DMD: variants seen among roughly 807,000 people sequenced by gnomAD.
DMD encodes the protein dystrophin.
A neutral mutation model predicts 330.1 loss-of-function variants in DMD; 63 were observed. The observed-to-expected ratio is 0.19, with a 90% CI of 0.16 to 0.24. The LOEUF is 0.24. DMD is among the 10% of genes least tolerant of loss of function. DMD has a pLI of 1.00. For missense variants in DMD, 3,344 were observed against 2,684.1 expected (o/e 1.25, Z -5.43); for synonymous variants, 1,223 against 959.8 (o/e 1.27, Z -5.07).
chrX:33,079,321 A>G (rs2094891759), intron 1 of DMD, among the ~76,000 whole-genome samples: 1 of 111,682 alleles, frequency 9.0e-6, no homozygotes, highest in Non-Finnish European at 1.9e-5. Flanking sequence ...CTATAAAACC[A>G]TCTTTTAAGA....
chrX:32,114,740 T>C (rs891125303), intron 44 of DMD, among the ~76,000 whole-genome samples: 5 of 112,399 alleles, frequency 4.4e-5, no homozygotes, highest in African/African-American at 1.6e-4. Context: ...CTGTTCTACC[T>C]GACTAAACCC....
At chrX:32,626,120 AT>A in intron 11 of DMD, among the ~76,000 whole-genome samples, 1 of 112,451 alleles carries the variant, frequency 8.9e-6, no homozygotes, top group Non-Finnish European at 1.9e-5. Context: ...AATGCACGCC[AT>A]TTAGAAACTA....
chrX:33,143,203 A>G (rs1430769716), intron 1 of DMD, among the ~76,000 whole-genome samples: 1 of 111,273 alleles, frequency 9.0e-6, no homozygotes, highest in Non-Finnish European at 1.9e-5. Context: ...ACATAATACA[A>G]ACTTCACTTT....
rs774534007 is a variant in DMD at position 32,239,620 on chromosome X, C to T, written c.6291-22557G>A. ...ACAAATATATAATGAAAGGTATCCA[C>T]CATTATAGTATCACACAGAGTAGTT... is the stretch of plus-strand genomic sequence containing the variant. On this transcript the variant is annotated intron_variant, in intron 43 of 78. Transcript: ENST00000357033. Among the ~76,000 whole-genome samples the T allele has an allele frequency of 1.3e-4, 15 of 112,004 alleles. No homozygotes were observed. The East Asian group carries it at 3.1e-3, about 23-fold the overall frequency.
At chrX:32,187,181 C>T (rs1419034503) in intron 44 of DMD, among the ~76,000 whole-genome samples, 6 of 110,423 alleles carry the variant, frequency 5.4e-5, no homozygotes, top group Admixed American at 2.9e-4. Flanking sequence ...TTCACACTTC[C>T]GAGACAGGGG....
intron 1 of DMD, among the ~76,000 whole-genome samples, chrX:33,027,273 T>C (rs1195992646): frequency 8.9e-6 from 1 of 111,744 alleles, no homozygotes; most frequent in Non-Finnish European, 1.9e-5. Flanking sequence ...AAGGACTTGG[T>C]CCGAGGTGGC....
intron 34 of DMD, among the ~76,000 whole-genome samples, 188 bp from the exon 35 acceptor site, chrX:32,365,387 T>C (rs754920904): frequency 9.0e-6 from 1 of 111,556 alleles, no homozygotes; most frequent in South Asian, 3.7e-4. Flanking sequence ...TGAACATATA[T>C]ATGTACATAA....
chrX:31,851,327 ATC>A (rs1290691056), intron 48 of DMD, among the ~76,000 whole-genome samples: 1 of 111,982 alleles, frequency 8.9e-6, no homozygotes, highest in Non-Finnish European at 1.9e-5. Flanking sequence ...TTCAAAAATA[ATC>A]TGTCCAAATA....
At chrX:32,005,784 C>A (rs1277885167) in intron 44 of DMD, among the ~76,000 whole-genome samples, 1 of 111,556 alleles carries the variant, frequency 9.0e-6, no homozygotes, top group Middle Eastern at 4.2e-3. Context: ...TATCAAATAT[C>A]ATTATTGTCA....
At chrX:32,165,735 C>G (rs1297869721) in intron 44 of DMD, among the ~76,000 whole-genome samples, 1 of 111,556 alleles carries the variant, frequency 9.0e-6, no homozygotes, top group Non-Finnish European at 1.9e-5. Flanking sequence ...TGTCCCCACC[C>G]AAATCTCATC....
intron 1 of DMD, among the ~76,000 whole-genome samples, chrX:33,198,734 A>T (rs10522020): frequency 0.04 from 4,467 of 110,645 alleles, 226 homozygotes; most frequent in African/African-American, 0.14. Context: ...ACATAATCCG[A>T]CTGGCAAGTA....
chrX:32,054,875 G>C (rs1308731789), intron 44 of DMD, among the ~76,000 whole-genome samples: 8 of 85,726 alleles, frequency 9.3e-5, no homozygotes, highest in Non-Finnish European at 1.6e-4. Context: ...AAGGGAAGGG[G>C]AGGGGAGGGG....
At chrX:32,397,274 CAAAT>C (rs2098051837) in intron 30 of DMD, among the ~76,000 whole-genome samples, 1 of 111,173 alleles carries the variant, frequency 9.0e-6, no homozygotes. Flanking sequence ...TTGAAGAAAA[CAAAT>C]AAGCCAACCA....
intron 44 of DMD, among the ~76,000 whole-genome samples, chrX:31,990,856 A>C (rs1305348147): frequency 8.9e-6 from 1 of 112,345 alleles, no homozygotes; most frequent in Non-Finnish European, 1.9e-5. Context: ...ACAAGATGTA[A>C]GCATATAAAA....
chrX:32,499,632 G>A (rs113862648), intron 19 of DMD, among the ~76,000 whole-genome samples: 1,125 of 111,473 alleles, frequency 0.01, 21 homozygotes, highest in African/African-American at 0.034. Flanking sequence ...TGGGAAGGAA[G>A]ATTCTGGACT....
At chrX:32,133,674 C>T (rs1213531117) in intron 44 of DMD, among the ~76,000 whole-genome samples, 2 of 111,440 alleles carry the variant, frequency 1.8e-5, no homozygotes, top group African/African-American at 3.3e-5. Context: ...CCATTCATGA[C>T]TCCATTTTTC....
chrX:33,141,725 A>G (rs2148588073), intron 1 of DMD, among the ~76,000 whole-genome samples: 1 of 111,432 alleles, frequency 9.0e-6, no homozygotes, highest in Non-Finnish European at 1.9e-5. Context: ...CAGTCATCAC[A>G]CAAGTAAAAT....
chrX:33,169,326 A>G (rs759664315), intron 1 of DMD, among the ~76,000 whole-genome samples: 27 of 111,801 alleles, frequency 2.4e-4, no homozygotes, highest in African/African-American at 8.7e-4. Context: ...TTGGGTAATG[A>G]CAGCTTACTT....
chrX:33,242,620 T>C (rs2052604171), intron 1 of DMD, among the ~76,000 whole-genome samples: 1 of 111,840 alleles, frequency 8.9e-6, no homozygotes. Context: ...GGTAGTGGGA[T>C]TGCTGAATCA....
Sources: gnomAD v4.1 joint callset for allele counts (sites outside exome capture counted in the v4.1 genomes callset) on GRCh38, gnomAD v4.1.1 for gene constraint, MANE v1.5 for transcripts, NCBI Gene and HGNC (gene_info 2026-07-23, HGNC 2026-07-21) for gene names.